Variants in ZC3H13 observed in about 807,000 individuals in gnomAD.
ZC3H13 encodes the protein zinc finger CCCH-type containing 13, also known as zinc finger CCCH domain-containing protein 13.
In ZC3H13, 64 loss-of-function variants were observed where a neutral mutation model predicts 204.1. The ratio of observed to expected loss-of-function variants is 0.31; its 90% confidence interval spans 0.26 to 0.39. The LOEUF (loss-of-function observed/expected upper bound fraction) is 0.39. ZC3H13 is among the 10% of genes least tolerant of loss of function. ZC3H13 has a pLI of 1.00. For synonymous variants in ZC3H13, 667 were observed against 693.7 expected (o/e 0.96, Z 0.60); for missense variants, 1,833 against 2,082.7 (o/e 0.88, Z 2.33).
intron 1 of ZC3H13, among the ~76,000 whole-genome samples, chr13:46,051,176 G>A (rs767220858): frequency 6.6e-6 from 1 of 152,076 alleles, no homozygotes; most frequent in Admixed American, 6.5e-5. Flanking sequence ...CCACTTGCTG[G>A]ATTTTTAGTA....
At chr13:46,046,072 T>G (rs2043933505) in intron 1 of ZC3H13, among the ~76,000 whole-genome samples, 1 of 152,202 alleles carries the variant, frequency 6.6e-6, no homozygotes, top group Admixed American at 6.5e-5. Context: ...TTTCTTTGCC[T>G]GACAGAAGTC....
At position 45,956,119 on chromosome 13, in the gene ZC3H13, T is replaced by C. The variant is rs1313189663; in HGVS notation, c.*1008A>G. 1 of 152,164 alleles carries C rather than the reference T, an allele frequency of 6.6e-6. No individual in the cohort carries two copies. Among genetic ancestry groups the C allele is most frequent in the Non-Finnish European group, 1.5e-5 (1 of 68,006 alleles). The allele number at this position is 152,164 out of a possible 1,614,324, so 9.4% of individuals were successfully genotyped here. A position where few individuals can be genotyped will look rare whatever the true frequency, so the allele number is the denominator to read the frequency against. On this transcript the variant is annotated 3_prime_UTR_variant, in exon 19 of 19. Transcript: ENST00000679008. ...ACTGTAATTTTTAAAAGTAAATCTG[T>C]TTTACATAGTACAGCTGGAGGCAGT...
chr13:46,052,322 G>GT (rs2044523042), intron 1 of ZC3H13, 82 bp downstream of exon 1: 4 of 385,396 alleles, frequency 1.0e-5, no homozygotes, highest in Non-Finnish European at 9.1e-6. Flanking sequence ...AGCAAAGACG[G>GT]GGGGGGGTAA....
At chr13:46,007,037 C>T (rs1183648377) in intron 7 of ZC3H13, among the ~76,000 whole-genome samples, 3 of 151,922 alleles carry the variant, frequency 2.0e-5, no homozygotes, top group Middle Eastern at 3.4e-3. Context: ...AAGATAAAAA[C>T]GGATCAATAA....
intron 5 of ZC3H13, among the ~76,000 whole-genome samples, chr13:46,019,821 G>C (rs2042119308): frequency 6.6e-6 from 1 of 152,142 alleles, no homozygotes; most frequent in Non-Finnish European, 1.5e-5. Flanking sequence ...CTGGGCTAAA[G>C]TGGTACTCCA....
chr13:46,036,956 T>C (rs1008315754), intron 4 of ZC3H13, among the ~76,000 whole-genome samples: 2 of 152,148 alleles, frequency 1.3e-5, no homozygotes, highest in Non-Finnish European at 2.9e-5. Context: ...TGGCCTCAAG[T>C]GATCTGCCCA....
chr13:45,967,975 G>C lies in ZC3H13; in HGVS notation c.3850C>G (p.Arg1284Gly). ...SSRRSSPESDRQVHSRSGSFD... is the reference protein window; with the variant it reads ...SSRRSSPESDGQVHSRSGSFD... ...GACCCAGATCTTGAATGGACCTGTC[G>C]ATCTGACTCTGGAGAACTTCTTCTT... Residue 1284 changes from arginine (R) to glycine (G), a missense_variant, in exon 15 of 19, where the codon CGA (arginine) becomes GGA (glycine). By Grantham distance (125) the Arg-to-Gly change is moderately radical. This residue lies in a region of ZC3H13 where 1,574 missense variants were observed against 1,757.2 expected (regional missense o/e 0.90). Coordinates refer to ENST00000679008, the MANE Select transcript of ZC3H13 (RefSeq NM_001330564.2). 1 of 1,612,878 alleles carries C rather than the reference G, an allele frequency of 6.2e-7. No homozygotes were observed. Among genetic ancestry groups the C allele is most frequent in the South Asian group, 1.1e-5 (1 of 90,836 alleles).
intron 10 of ZC3H13, among the ~76,000 whole-genome samples, chr13:45,983,670 G>A (rs372313628): frequency 4.7e-5 from 7 of 150,398 alleles, no homozygotes; most frequent in African/African-American, 9.8e-5. Flanking sequence ...CTCGTGATCC[G>A]CCCGCCTCGG....
chr13:46,012,113 G>A (rs2138674124), intron 5 of ZC3H13, among the ~76,000 whole-genome samples: 1 of 152,272 alleles, frequency 6.6e-6, no homozygotes, highest in East Asian at 1.9e-4. Flanking sequence ...AAGGATTTAT[G>A]ACATTTTCTT....
intron 18 of ZC3H13, among the ~76,000 whole-genome samples, chr13:45,958,437 T>C (rs140421168): frequency 1.9e-3 from 283 of 152,280 alleles, no homozygotes; most frequent in African/African-American, 6.3e-3. Flanking sequence ...GGACCAGAAA[T>C]GTTTCAGATT....
In ZC3H13 at chr13:45,975,448, C is replaced by A; in HGVS notation, c.2303G>T (p.Arg768Leu). The A allele has an allele frequency of 6.2e-7, 1 of 1,613,620 alleles. No individual in the cohort carries two copies. Residue 768 changes from arginine to leucine, a missense_variant, in exon 12 of 19, where the codon CGA becomes CTA. Physicochemically the swap from Arg to Leu is moderately radical, Grantham distance 102. Around this residue, in one of 5 missense-constraint regions of ZC3H13, gnomAD observed 1,574 missense variants for 1,757.2 expected, o/e 0.90. Transcript: ENST00000679008. ...TCTTTCTCGTTCCCGTTCTCGCTCTCGCTCTCTCTCCCGTTCTCGCTCTCT... is the reference window on the plus strand; with the variant it reads ...TCTTTCTCGTTCCCGTTCTCGCTCTAGCTCTCTCTCCCGTTCTCGCTCTCT... ...RERERERERE[R>L]ERERERERAR...
At chr13:45,971,155 C>T (rs1047401702) in intron 12 of ZC3H13, among the ~76,000 whole-genome samples, 30 of 152,080 alleles carry the variant, frequency 2.0e-4, no homozygotes, top group African/African-American at 6.5e-4. Context: ...ATAATTCATA[C>T]GTTCATTATA....
chr13:45,996,514 T>C (rs1444636313), intron 8 of ZC3H13, among the ~76,000 whole-genome samples: 1 of 152,190 alleles, frequency 6.6e-6, no homozygotes, highest in Non-Finnish European at 1.5e-5. Context: ...ACAATTCATA[T>C]GTTTTAAATT....
chr13:46,010,136 C>A, intron 7 of ZC3H13: 1 of 368,464 alleles, frequency 2.7e-6, no homozygotes, highest in South Asian at 1.1e-4. Context: ...AAATAAAAAG[C>A]TCTGAAGCAT....
intron 9 of ZC3H13, among the ~76,000 whole-genome samples, chr13:45,986,417 A>T (rs555546361): frequency 1.3e-5 from 2 of 152,354 alleles, no homozygotes; most frequent in South Asian, 4.1e-4. Flanking sequence ...ACATAGGAAG[A>T]TGAGACTTTT....
chr13:46,020,665 G>T (rs1273701815), intron 4 of ZC3H13, 108 bp from the exon 5 acceptor site: 2 of 750,408 alleles, frequency 2.7e-6, no homozygotes, highest in African/African-American at 1.8e-5. Flanking sequence ...TTTCATCAAA[G>T]AATCAGTTTT....
At chr13:45,981,425 A>G (rs1013505949) in intron 10 of ZC3H13, among the ~76,000 whole-genome samples, 2 of 152,134 alleles carry the variant, frequency 1.3e-5, no homozygotes, top group Non-Finnish European at 2.9e-5. Flanking sequence ...TGCTATTGTG[A>G]ATAGTGCCGC....
At chr13:45,980,114 C>A in intron 10 of ZC3H13, 110 bp from the exon 11 acceptor site, 2 of 972,798 alleles carry the variant, frequency 2.1e-6, no homozygotes, top group Non-Finnish European at 2.8e-6. Flanking sequence ...TTTAATATTC[C>A]AAAGTGTGGT....
chr13:45,987,200 T>C (rs2039605302), intron 9 of ZC3H13, among the ~76,000 whole-genome samples: 2 of 152,158 alleles, frequency 1.3e-5, no homozygotes, highest in African/African-American at 4.8e-5. Flanking sequence ...GACATCTAAA[T>C]AGAGAGGAAC....
Sources: gnomAD v4.1 joint callset for allele counts (sites outside exome capture counted in the v4.1 genomes callset) on GRCh38, gnomAD v4.1.1 for gene constraint, gnomAD v4.1.1 regional missense constraint, MANE v1.5 for transcripts, NCBI Gene and HGNC (gene_info 2026-07-23, HGNC 2026-07-21) for gene names.